GALK2: variants seen among roughly 807,000 people sequenced by gnomAD.
The protein encoded by GALK2 is N-acetylgalactosamine kinase.
A neutral mutation model predicts 52.4 loss-of-function variants in GALK2; 36 were observed. The ratio of observed to expected loss-of-function variants is 0.69; its 90% CI spans 0.53 to 0.91. The LOEUF is 0.91. Ranked by LOEUF, GALK2 falls within the 40% of genes least tolerant of loss-of-function variation. GALK2 has a pLI of 0.00. For synonymous variants in GALK2, 176 were observed against 199.1 expected (o/e 0.88, Z 0.98); for missense variants, 579 against 559.1 (o/e 1.04, Z -0.36).
intron 8 of GALK2, among the ~76,000 whole-genome samples, chr15:49,310,222 C>CT (rs1174915958): frequency 6.6e-6 from 1 of 152,064 alleles, no homozygotes; most frequent in Admixed American, 6.6e-5. Context: ...GGATTTCATT[C>CT]TTTTTTATTG....
chr15:49,246,648 C>G (rs900463522), intron 5 of GALK2, among the ~76,000 whole-genome samples: 4 of 152,094 alleles, frequency 2.6e-5, no homozygotes, highest in African/African-American at 9.7e-5. Context: ...TTCTGAGTTA[C>G]CCAGAATATG....
At chr15:49,354,569 T>C (rs1237020029) in intron 3 of GALK2, among the ~76,000 whole-genome samples, 1 of 152,208 alleles carries the variant, frequency 6.6e-6, no homozygotes, top group Non-Finnish European at 1.5e-5. Context: ...CACGAGATTA[T>C]ATCCCGCACC....
chr15:49,178,079 G>A (rs2085607822), intron 1 of GALK2, among the ~76,000 whole-genome samples: 1 of 147,382 alleles, frequency 6.8e-6, no homozygotes, highest in Admixed American at 6.9e-5. Flanking sequence ...TGAGGCATGA[G>A]AATTAGTTGA....
At chr15:49,213,364 T>G (rs1396253446) in intron 2 of GALK2, among the ~76,000 whole-genome samples, 1 of 152,150 alleles carries the variant, frequency 6.6e-6, no homozygotes, top group Admixed American at 6.5e-5. Flanking sequence ...AAATTTTACT[T>G]TAAGTTCTGG....
intron 5 of GALK2, among the ~76,000 whole-genome samples, chr15:49,274,080 G>A (rs932711180): frequency 1.3e-5 from 2 of 152,150 alleles, no homozygotes; most frequent in Non-Finnish European, 2.9e-5. Flanking sequence ...AGAGTCCTCT[G>A]TTAGAAGAAC....
intron 8 of GALK2, among the ~76,000 whole-genome samples, chr15:49,308,737 A>G (rs2141899875): frequency 6.6e-6 from 1 of 152,336 alleles, no homozygotes; most frequent in South Asian, 2.1e-4. Flanking sequence ...CCCTTCAAGA[A>G]GGGCATACAC....
intron 1 of GALK2, among the ~76,000 whole-genome samples, chr15:49,187,903 C>T (rs927243477): frequency 2.6e-5 from 4 of 151,928 alleles, no homozygotes; most frequent in African/African-American, 9.7e-5. Context: ...AATTGTGGAC[C>T]CCAGGAGTCC....
At chr15:49,314,478 A>T (rs1282814553) in intron 8 of GALK2, among the ~76,000 whole-genome samples, 2 of 152,234 alleles carry the variant, frequency 1.3e-5, no homozygotes, top group East Asian at 3.8e-4. Flanking sequence ...TTGTTAAAAT[A>T]GTATGTCTCC....
intron 5 of GALK2, among the ~76,000 whole-genome samples, chr15:49,262,629 C>G (rs2092173181): frequency 1.3e-5 from 2 of 151,426 alleles, no homozygotes. Context: ...TGTGTTTGCT[C>G]TTGCTTTTCT....
At chr15:49,345,667 A>AT (rs766226497) in intron 3 of GALK2, among the ~76,000 whole-genome samples, 50 of 152,206 alleles carry the variant, frequency 3.3e-4, no homozygotes, top group Admixed American at 1.4e-3. Flanking sequence ...AAGCCACTGA[A>AT]TGGAAGATTC....
intron 1 of GALK2, among the ~76,000 whole-genome samples, chr15:49,181,845 T>C (rs1447722066): frequency 1.3e-5 from 2 of 152,102 alleles, no homozygotes; most frequent in Non-Finnish European, 2.9e-5. Flanking sequence ...TAATTTTTTT[T>C]AATTTTTATT....
chr15:49,309,214 C>G (rs1371323983), intron 8 of GALK2, among the ~76,000 whole-genome samples: 1 of 152,170 alleles, frequency 6.6e-6, no homozygotes, highest in African/African-American at 2.4e-5. Context: ...CTAACCACTT[C>G]CCACCTGGTT....
intron 8 of GALK2, among the ~76,000 whole-genome samples, chr15:49,294,139 T>C (rs531644155): frequency 1.4e-3 from 125 of 86,374 alleles, no homozygotes; most frequent in African/African-American, 5.6e-3. Flanking sequence ...AGACCCTGTC[T>C]CAAATAAATA....
rs75947481 is a variant in GALK2 at position 49,345,815 on chromosome 15, G to C, written c.427-21676G>C. Among the ~76,000 whole-genome samples, 294 of 152,166 alleles carry C rather than the reference G, an allele frequency of 1.9e-3. 3 individuals are homozygous for C. Among genetic ancestry groups the C allele is most frequent in the African/African-American group, 6.6e-3 (276 of 41,536 alleles). On this transcript the variant is annotated intron_variant, in intron 3 of 3. Transcript: ENST00000558399. ...ATCACAGAATATTAGAGAAACAAAG[G>C]GTTTTGGAAATTGTAGGATCCAATT... is the stretch of plus-strand genomic sequence containing the variant.
intron 2 of GALK2, among the ~76,000 whole-genome samples, chr15:49,214,900 T>C (rs1306417126): frequency 6.6e-6 from 1 of 151,988 alleles, no homozygotes; most frequent in East Asian, 1.9e-4. Flanking sequence ...TTAACATTTT[T>C]TGCAAGACAG....
chr15:49,159,220 A>G (rs774331589), intron 1 of GALK2, among the ~76,000 whole-genome samples: 2 of 152,236 alleles, frequency 1.3e-5, no homozygotes, highest in African/African-American at 2.4e-5. Context: ...CATTCAGAGT[A>G]TTGCAGAAAT....
intron 3 of GALK2, among the ~76,000 whole-genome samples, chr15:49,361,265 G>A (rs2151404560): frequency 6.6e-6 from 1 of 151,832 alleles, no homozygotes; most frequent in South Asian, 2.1e-4. Flanking sequence ...TTTTATTTTA[G>A]GTTCAGGGGT....
intron 1 of GALK2, among the ~76,000 whole-genome samples, chr15:49,183,886 T>C (rs891744741): frequency 6.6e-6 from 1 of 151,090 alleles, no homozygotes; most frequent in Non-Finnish European, 1.5e-5. Flanking sequence ...TGGCCTAACA[T>C]ATGGTCTGTT....
At chr15:49,300,354 A>C (rs551437264) in intron 8 of GALK2, among the ~76,000 whole-genome samples, 27 of 152,088 alleles carry the variant, frequency 1.8e-4, no homozygotes, top group African/African-American at 6.5e-4. Context: ...GAGTCTCTTC[A>C]AGACAGCATG....
Sources: allele counts gnomAD v4.1 joint callset (sites outside exome capture counted in the v4.1 genomes callset), GRCh38; gene constraint gnomAD v4.1.1; transcripts MANE v1.5; gene names NCBI Gene and HGNC (gene_info 2026-07-23, HGNC 2026-07-21).